ITPA: variants seen among roughly 807,000 people sequenced by gnomAD.
The protein encoded by ITPA is inosine triphosphatase.
In ITPA, 29 loss-of-function variants were observed where a neutral mutation model predicts 29.6. The ratio of observed to expected loss-of-function variants is 0.98; its 90% CI spans 0.73 to 1.34. The LOEUF is 1.34. ITPA is among the 40% of genes most tolerant of loss of function. The probability of loss-of-function intolerance (pLI) is 0.00; values close to 1 mark genes in which losing one functional copy is unlikely to be tolerated. For missense variants in ITPA, 241 were observed against 251.5 expected, an observed-to-expected ratio of 0.96 and a Z score of 0.28; for synonymous variants, 103 against 99.3, an observed-to-expected ratio of 1.04 and a Z score of -0.22.
chr20:3,204,609 AC>A, upstream of ITPA: 1 of 1,590,378 alleles, frequency 6.3e-7, no homozygotes, highest in South Asian at 1.1e-5. Context: ...GCTACCAAGT[AC>A]CACACAGGCG....
upstream of ITPA, among the ~76,000 whole-genome samples, chr20:3,205,447 G>A (rs940129910): frequency 1.5e-4 from 23 of 152,112 alleles, no homozygotes; most frequent in East Asian, 5.8e-4. Context: ...ACAGAGGCTC[G>A]TCTGTTAACC....
chr20:3,214,363 C>CTTTTTTTTTT (rs57982806), intron 4 of ITPA, among the ~76,000 whole-genome samples: 1 of 112,910 alleles, frequency 8.9e-6, no homozygotes, highest in Non-Finnish European at 1.8e-5. Flanking sequence ...TTCTTCCTTT[C>CTTTTTTTTTT]TTTTTTTTTT....
At chr20:3,215,891 G>A (rs985107316) in intron 5 of ITPA, among the ~76,000 whole-genome samples, 1 of 151,968 alleles carries the variant, frequency 6.6e-6, no homozygotes, top group African/African-American at 2.4e-5. Flanking sequence ...TCACCATGTT[G>A]GCCAGGCCAG....
chr20:3,212,367 C>T (rs2067194699), intron 1 of ITPA, among the ~76,000 whole-genome samples: 2 of 150,760 alleles, frequency 1.3e-5, no homozygotes, highest in South Asian at 4.2e-4. Context: ...TCGCCTAAGG[C>T]TGGAGTGCAA....
chr20:3,207,986 A>C (rs1652304540), upstream of ITPA, among the ~76,000 whole-genome samples: 2 of 127,448 alleles, frequency 1.6e-5, no homozygotes, highest in Admixed American at 1.6e-4. Context: ...CTAGAGCAAG[A>C]CTCCGTCTCA....
At position 3,215,315 on chromosome 20, in the gene ITPA, AT is replaced by A. The variant is rs1183498099; in HGVS notation, c.295+5del. 1.9e-6 allele frequency: 3 copies of A among 1,613,292 alleles called. No individual in the cohort carries two copies. The highest frequency in any genetic ancestry group is 2.5e-6 in the Non-Finnish European group (3 of 1,179,418). On this transcript the variant is annotated splice_donor_region_variant and intron_variant, in intron 5 of 7. Transcript: ENST00000380113. The stretch of plus-strand genomic sequence containing the variant: ...TCTGGAGAAGTTAAAGCCTGAAGGT[AT>A]TATCTGCTTTGTTTCTTCCCTGGAT...
chr20:3,209,396 G>A, upstream of ITPA: 1 of 747,556 alleles, frequency 1.3e-6, no homozygotes, highest in South Asian at 1.5e-5. The surrounding 1 kb of genome is among the most constrained non-coding windows in gnomAD (Gnocchi z 4.6). Context: ...GCCACCGCGA[G>A]CCCACTCGCC....
At chr20:3,220,698 G>A (rs1382252500) in intron 6 of ITPA, among the ~76,000 whole-genome samples, 1 of 149,560 alleles carries the variant, frequency 6.7e-6, no homozygotes, top group African/African-American at 2.5e-5. Context: ...TCAGGTGTGA[G>A]CTACCACATC....
At chr20:3,218,211 C>T (rs550578022) in intron 5 of ITPA, among the ~76,000 whole-genome samples, 1 of 152,346 alleles carries the variant, frequency 6.6e-6, no homozygotes, top group South Asian at 2.1e-4. Context: ...AGCCACCACG[C>T]CCGGCCTACA....
intron 7 of ITPA, among the ~76,000 whole-genome samples, chr20:3,222,994 C>T (rs1384865340): frequency 6.6e-6 from 1 of 152,200 alleles, no homozygotes; most frequent in East Asian, 1.9e-4. Context: ...TGCTCCCCCG[C>T]CCTCAGCGCA....
intron 7 of ITPA, among the ~76,000 whole-genome samples, chr20:3,222,500 C>T (rs573579193): frequency 2.9e-4 from 44 of 152,314 alleles, no homozygotes; most frequent in African/African-American, 9.6e-4. Context: ...TGAGCCACCG[C>T]GCCTGGCCAC....
chr20:3,214,136 A>C, intron 4 of ITPA, 78 bp downstream of exon 4: 4 of 1,189,704 alleles, frequency 3.4e-6, no homozygotes, highest in Non-Finnish European at 3.8e-6. Flanking sequence ...GGTACCTGAT[A>C]CTGCAGGTCA....
At position 3,215,311 on chromosome 20, in the gene ITPA, A is replaced by C. The variant is rs763279021; in HGVS notation, c.294A>C (p.Glu98Asp). Residue 98 changes from glutamate (E) to aspartate (D), a missense_variant and splice_region_variant, in exon 5 of 8, where the codon GAA becomes GAC. Coordinates refer to ENST00000380113, the MANE Select transcript of ITPA (RefSeq NM_033453.4). ...GGTTTCTGGAGAAGTTAAAGCCTGA[A>C]GGTATTATCTGCTTTGTTTCTTCCC... Reference protein sequence around the residue: ...IKWFLEKLKPEGLHQLLAGFE... With the variant: ...IKWFLEKLKPDGLHQLLAGFE... 2.5e-6 allele frequency: 4 copies of C among 1,613,694 alleles called. No homozygotes were observed. Among genetic ancestry groups the C allele is most frequent in the East Asian group, 4.5e-5 (2 of 44,878 alleles).
At chr20:3,209,320 A>G, upstream of ITPA, 7 of 605,626 alleles carry the variant, frequency 1.2e-5, no homozygotes, top group South Asian at 1.3e-4. The surrounding 1 kb of genome is among the most constrained non-coding windows in gnomAD (Gnocchi z 4.6). Context: ...CTTAGGCAGG[A>G]GGGGTGGGTC....
At chr20:3,221,744 C>A in intron 6 of ITPA, 97 bp from the exon 7 acceptor site, 2 of 1,164,870 alleles carry the variant, frequency 1.7e-6, no homozygotes, top group South Asian at 1.2e-5. Flanking sequence ...TGGGTCAAAT[C>A]AAATTCACAG....
rs1381781375 is a variant in ITPA, at chr20:3,215,285, TG to T, written c.270del (p.Trp90CysfsTer6). ...LGGLPGPYIK[W>X]FLEKLKPEGL... ...TGTCCTTTCTTTCTCTTGCAGAAAG[TG>T]GTTTCTGGAGAAGTTAAAGCCTGAA... On this transcript the variant is annotated frameshift_variant, in exon 5 of 8. Coordinates refer to ENST00000380113, the MANE Select transcript of ITPA (RefSeq NM_033453.4). LOFTEE classifies it high-confidence loss of function. 9.3e-6 allele frequency: 15 copies of T among 1,613,758 alleles called. No homozygotes were observed. The highest frequency in any genetic ancestry group is 1.2e-5 in the Non-Finnish European group (14 of 1,179,790).
chr20:3,213,136 T>C (rs765168910), intron 1 of ITPA, 33 bp from the exon 2 acceptor site: 2 of 1,597,518 alleles, frequency 1.3e-6, no homozygotes, highest in East Asian at 2.2e-5. Context: ...AATCACTAGA[T>C]GGTGATAAGT....
At chr20:3,215,211 A>G in intron 4 of ITPA, 70 bp from the exon 5 acceptor site, 1 of 1,495,706 alleles carries the variant, frequency 6.7e-7, no homozygotes, top group Admixed American at 1.7e-5. Flanking sequence ...TCAATAGGGA[A>G]CAGCCTGGAA....
At chr20:3,211,440 T>C (rs1474288243) in intron 1 of ITPA, among the ~76,000 whole-genome samples, 1 of 152,108 alleles carries the variant, frequency 6.6e-6, no homozygotes, top group African/African-American at 2.4e-5. Context: ...TTCAAAGTGC[T>C]AGAATTACAG....
Sources: allele counts gnomAD v4.1 joint callset (sites outside exome capture counted in the v4.1 genomes callset), GRCh38; gene constraint gnomAD v4.1.1; non-coding constraint Gnocchi (gnomAD v3.1); transcripts MANE v1.5; gene names NCBI Gene and HGNC (gene_info 2026-07-23, HGNC 2026-07-21).